Variants in E2F3 observed in about 807,000 individuals in gnomAD.
E2F3 encodes E2F transcription factor 3, also known as transcription factor E2F3.
Under a neutral mutation model 44.4 loss-of-function variants are expected in E2F3, and 11 were observed. The observed-to-expected ratio is 0.25, with a 90% confidence interval of 0.16 to 0.41. E2F3 has a LOEUF of 0.41. Ranked by LOEUF, E2F3 falls within the 10% of genes least tolerant of loss-of-function variation. The pLI, the probability that E2F3 is intolerant of heterozygous loss-of-function variation, is 1.00. For missense variants in E2F3, 487 were observed against 583.6 expected (o/e 0.83, Z 1.70); for synonymous variants, 249 against 253.0 (o/e 0.98, Z 0.15).
At chr6:20,452,116 A>G (rs1761151254) in intron 1 of E2F3, among the ~76,000 whole-genome samples, 1 of 152,182 alleles carries the variant, frequency 6.6e-6, no homozygotes, top group Non-Finnish European at 1.5e-5. Context: ...GACTAGTTAC[A>G]GTGGGAATGG....
intron 1 of E2F3, among the ~76,000 whole-genome samples, chr6:20,405,779 C>A (rs540566701): frequency 6.6e-6 from 1 of 151,872 alleles, no homozygotes; most frequent in Admixed American, 6.6e-5. Context: ...GCTGAGATCC[C>A]GCCACTGCAC....
chr6:20,433,290 G>A (rs1052422295), intron 1 of E2F3, among the ~76,000 whole-genome samples: 4 of 152,254 alleles, frequency 2.6e-5, no homozygotes, highest in African/African-American at 7.2e-5. Context: ...TGTCTGTGTC[G>A]TGCATTATGC....
At chr6:20,416,897 ACCCCT>A (rs1271544156) in intron 1 of E2F3, among the ~76,000 whole-genome samples, 1 of 151,970 alleles carries the variant, frequency 6.6e-6, no homozygotes, top group African/African-American at 2.4e-5. Flanking sequence ...GGGCCTGGCC[ACCCCT>A]CCTTTAAATG....
intron 1 of E2F3, among the ~76,000 whole-genome samples, chr6:20,419,813 G>A (rs906380168): frequency 1.3e-5 from 2 of 151,786 alleles, no homozygotes; most frequent in Admixed American, 6.6e-5. Context: ...CAATCTGCCC[G>A]CCTCAGCCTC....
At chr6:20,483,808 A>C (rs182960933) in intron 4 of E2F3, among the ~76,000 whole-genome samples, 50 of 152,344 alleles carry the variant, frequency 3.3e-4, no homozygotes, top group African/African-American at 9.9e-4. Flanking sequence ...ATTTACCATT[A>C]TTTGACAAAA....
At position 20,488,170 on chromosome 6, in the gene E2F3, G is replaced by A. The variant is rs751621246; in HGVS notation, c.1057G>A (p.Glu353Lys). ...GCCCATTGAGGTTTACTTATGTCCAGAAGAGACTGAAACACACAGTCCAAT... is the reference window on the plus strand; with the variant it reads ...GCCCATTGAGGTTTACTTATGTCCAAAAGAGACTGAAACACACAGTCCAAT... ...QGPIEVYLCP[E>K]ETETHSPMKT... Residue 353 changes from glutamate to lysine, a missense_variant, in exon 6 of 7, where the codon GAA becomes AAA. Physicochemically the swap from Glu to Lys is moderately conservative, Grantham distance 56. This residue lies in a region of E2F3 where 220 missense variants were observed against 261.7 expected (regional missense o/e 0.84). Transcript: ENST00000346618. 1 of 1,614,016 alleles carries A rather than the reference G, an allele frequency of 6.2e-7. No homozygotes were observed. Among genetic ancestry groups the A allele is most frequent in the Non-Finnish European group, 8.5e-7 (1 of 1,179,976 alleles).
At chr6:20,453,814 A>G (rs750374419) in intron 1 of E2F3, among the ~76,000 whole-genome samples, 17 of 152,340 alleles carry the variant, frequency 1.1e-4, no homozygotes, top group Non-Finnish European at 1.6e-4. Flanking sequence ...AATATTTTGT[A>G]AATGAAAAAT....
At chr6:20,452,359 A>G (rs1008423281) in intron 1 of E2F3, 4 of 151,946 alleles carry the variant, frequency 2.6e-5, no homozygotes, top group African/African-American at 9.7e-5. Context: ...TCAGTGGACT[A>G]TTTTTGTTTT....
At chr6:20,482,943 T>C in intron 4 of E2F3, 23 bp downstream of exon 4, 2 of 1,612,770 alleles carry the variant, frequency 1.2e-6, no homozygotes, top group South Asian at 1.1e-5. Context: ...CCGCCAGTTC[T>C]CTGGGGGTTA....
At chr6:20,460,605 A>G (rs1020372193) in intron 1 of E2F3, among the ~76,000 whole-genome samples, 5 of 152,192 alleles carry the variant, frequency 3.3e-5, no homozygotes, top group African/African-American at 9.7e-5. Context: ...TTATAGTGCT[A>G]TAATAAACAT....
rs780366667 is a variant in E2F3 at position 20,462,859 on chromosome 6, C to CTTTTTTTTT, written c.394-16958_394-16950dup. 1.0e-4 allele frequency among the ~76,000 whole-genome samples: 5 copies of CTTTTTTTTT among 48,810 alleles called. 1 individual carries two copies. Among genetic ancestry groups the CTTTTTTTTT allele is most frequent in the African/African-American group, 1.6e-4 (2 of 12,756 alleles). 32.0% of individuals were successfully genotyped at this position (48,810 alleles called of 152,430 possible). ...TGTTTTGTTCTCTTTCTCTCTCTCTCTTTTTTTTTTTTTTTTTTTTTTTTT... is the reference window on the plus strand; with the variant it reads ...TGTTTTGTTCTCTTTCTCTCTCTCTCTTTTTTTTTTTTTTTTTTTTTTTTTTTTTTTTTT... On this transcript the variant is annotated intron_variant, in intron 1 of 6. Transcript: ENST00000346618.
intron 1 of E2F3, among the ~76,000 whole-genome samples, 165 bp from the exon 2 acceptor site, chr6:20,479,681 G>A (rs1370203091): frequency 1.3e-5 from 2 of 152,196 alleles, no homozygotes; most frequent in African/African-American, 2.4e-5. Context: ...AGCCTACAAC[G>A]CTAGAATCCT....
intron 1 of E2F3, among the ~76,000 whole-genome samples, chr6:20,453,605 T>A (rs1761207995): frequency 1.3e-5 from 2 of 151,914 alleles, no homozygotes. Context: ...GGAGACGAGG[T>A]CTCGCTACAT....
intron 1 of E2F3, among the ~76,000 whole-genome samples, chr6:20,442,966 T>TAAA (rs1760824446): frequency 6.1e-5 from 2 of 32,834 alleles, no homozygotes; most frequent in African/African-American, 1.9e-4. Context: ...GCAAACTGTC[T>TAAA]CAAAAAAAAA....
At chr6:20,432,221 G>A (rs186891391) in intron 1 of E2F3, among the ~76,000 whole-genome samples, 1 of 152,346 alleles carries the variant, frequency 6.6e-6, no homozygotes, top group East Asian at 1.9e-4. Flanking sequence ...CCTCAAGATT[G>A]TGGCTGTTTT....
chr6:20,403,942 G>T, intron 1 of E2F3: 1 of 593,562 alleles, frequency 1.7e-6, no homozygotes. Context: ...GAGTGGGAAC[G>T]GGGGGTTGGG....
chr6:20,433,004 A>G (rs1760458243), intron 1 of E2F3, among the ~76,000 whole-genome samples: 1 of 152,142 alleles, frequency 6.6e-6, no homozygotes, highest in South Asian at 2.1e-4. Context: ...GTCACTCTTT[A>G]TCCTATTTTC....
intron 1 of E2F3, among the ~76,000 whole-genome samples, chr6:20,474,878 C>T (rs770543972): frequency 2.0e-4 from 31 of 152,364 alleles, no homozygotes; most frequent in Middle Eastern, 3.4e-3. Context: ...TCCCTGTTCA[C>T]TCAACAGGGG....
intron 1 of E2F3, among the ~76,000 whole-genome samples, chr6:20,422,835 T>G (rs1760073130): frequency 6.6e-6 from 1 of 152,200 alleles, no homozygotes; most frequent in South Asian, 2.1e-4. Context: ...AATAGTGACA[T>G]CAAAGATCAC....
Sources: allele counts gnomAD v4.1 joint callset (sites outside exome capture counted in the v4.1 genomes callset), GRCh38; gene constraint gnomAD v4.1.1; regional missense constraint gnomAD v4.1.1; transcripts MANE v1.5; gene names NCBI Gene and HGNC (gene_info 2026-07-23, HGNC 2026-07-21).